TLL1: variants seen among roughly 807,000 people sequenced by gnomAD.
TLL1 encodes the protein tolloid like 1.
TLL1 carries 49 observed loss-of-function variants against 128.2 expected under a neutral mutation model. The ratio of observed to expected loss-of-function variants is 0.38; its 90% confidence interval spans 0.30 to 0.48. The LOEUF (loss-of-function observed/expected upper bound fraction) is 0.48, where lower values mean the gene tolerates loss of function less well. Ranked by LOEUF, TLL1 falls within the 20% of genes least tolerant of loss-of-function variation. TLL1 has a pLI of 0.96. For missense variants in TLL1, 1,123 were observed against 1,242.0 expected (o/e 0.90, Z 1.44); for synonymous variants, 454 against 418.8 (o/e 1.08, Z -1.03).
intron 19 of TLL1, among the ~76,000 whole-genome samples, chr4:166,098,163 G>A (rs752831665): frequency 1.3e-4 from 19 of 151,808 alleles, no homozygotes; most frequent in Non-Finnish European, 2.5e-4. Context: ...ATGAAACCCT[G>A]TCTCTACTAA....
At chr4:166,100,673 G>C in intron 20 of TLL1, 69 bp from the exon 21 acceptor site, 1 of 1,593,860 alleles carries the variant, frequency 6.3e-7, no homozygotes, top group Non-Finnish European at 8.6e-7. Flanking sequence ...CCAAACATGC[G>C]TTACACTGAA....
intron 14 of TLL1, among the ~76,000 whole-genome samples, chr4:166,059,413 C>A (rs1333615009): frequency 6.6e-6 from 1 of 151,976 alleles, no homozygotes; most frequent in African/African-American, 2.4e-5. Flanking sequence ...AAAAATAGAT[C>A]ATCACAGATC....
chr4:165,920,859 A>C (rs1448693040), intron 1 of TLL1, among the ~76,000 whole-genome samples: 1 of 152,196 alleles, frequency 6.6e-6, no homozygotes, highest in Non-Finnish European at 1.5e-5. Context: ...AAGGTCTACA[A>C]TAAGTAAAGG....
intron 1 of TLL1, among the ~76,000 whole-genome samples, chr4:165,940,926 G>A (rs1561042757): frequency 6.6e-6 from 1 of 151,916 alleles, no homozygotes; most frequent in Non-Finnish European, 1.5e-5. Flanking sequence ...CCATTTAGCT[G>A]AAAATGCCAT....
intron 1 of TLL1, among the ~76,000 whole-genome samples, chr4:165,902,199 C>T (rs995778015): frequency 6.6e-5 from 10 of 152,100 alleles, no homozygotes; most frequent in African/African-American, 9.7e-5. Flanking sequence ...GTGTGATCTG[C>T]TGAGCTAGAC....
rs573777949 is a variant in TLL1, at chr4:166,101,264, G to A, written c.*388G>A. On this transcript the variant is annotated 3_prime_UTR_variant, in exon 21 of 21. Coordinates refer to ENST00000061240, the MANE Select transcript of TLL1 (RefSeq NM_012464.5). ...GGGACATAAAATGATCTTGCAGGTC[G>A]TAAACTGGAAAACAGTATTTTGGTT... The A allele has an allele frequency of 2.9e-5, 8 of 278,950 alleles. No homozygotes were observed. Among genetic ancestry groups the A allele is most frequent in the African/African-American group, 9.0e-5 (4 of 44,372 alleles). The allele number at this position is 278,950 out of a possible 1,614,324, so 17.3% of individuals were successfully genotyped here.
chr4:165,904,676 C>T (rs1348858086), intron 1 of TLL1, among the ~76,000 whole-genome samples: 2 of 152,122 alleles, frequency 1.3e-5, no homozygotes, highest in African/African-American at 2.4e-5. Context: ...TGTGTAATAA[C>T]AAATATTTTC....
At chr4:165,877,010 G>T (rs1351021403) in intron 1 of TLL1, among the ~76,000 whole-genome samples, 1 of 152,146 alleles carries the variant, frequency 6.6e-6, no homozygotes, top group Non-Finnish European at 1.5e-5. Context: ...ATACCTTCTC[G>T]ATATCTATAG....
At chr4:166,008,428 T>G (rs1023854276) in intron 7 of TLL1, among the ~76,000 whole-genome samples, 3 of 151,512 alleles carry the variant, frequency 2.0e-5, no homozygotes, top group African/African-American at 7.3e-5. Context: ...GCTAAATAGG[T>G]TATTTAGCAG....
In TLL1 at chr4:165,992,936, TATACTC is replaced by T. The variant is rs754078827; in HGVS notation, c.361+56_361+61del. On this transcript the variant is annotated intron_variant, in intron 3 of 20. Transcript: ENST00000061240. ...GCTTGACTTGATGTACAGTAAATAT[TATACTC>T]ATAGCAGTTCAGTTTATTAAAATCA... 5.8e-4 allele frequency: 794 copies of T among 1,378,414 alleles called. 2 individuals carry two copies. Among genetic ancestry groups the T allele is most frequent in the Non-Finnish European group, 7.5e-4 (723 of 967,226 alleles). 85.4% of individuals were successfully genotyped at this position (1,378,414 alleles called of 1,614,324 possible). A position where few individuals can be genotyped will look rare whatever the true frequency, so the allele number is the denominator to read the frequency against.
chr4:166,036,430 A>G (rs570128502), intron 9 of TLL1, among the ~76,000 whole-genome samples: 24 of 152,324 alleles, frequency 1.6e-4, no homozygotes, highest in African/African-American at 5.8e-4. Context: ...CAAAAATAAA[A>G]TATTTATATA....
At chr4:166,076,708 C>T (rs1367501017) in intron 17 of TLL1, among the ~76,000 whole-genome samples, 1 of 152,110 alleles carries the variant, frequency 6.6e-6, no homozygotes, top group Non-Finnish European at 1.5e-5. Context: ...GAGACAGGGA[C>T]AATGGAATTT....
At chr4:165,898,480 G>T (rs553540956) in intron 1 of TLL1, among the ~76,000 whole-genome samples, 1 of 152,272 alleles carries the variant, frequency 6.6e-6, no homozygotes, top group African/African-American at 2.4e-5. Context: ...TGCATCTATT[G>T]AGATAATCAT....
At chr4:165,893,359 A>C (rs1462198635) in intron 1 of TLL1, among the ~76,000 whole-genome samples, 1 of 152,190 alleles carries the variant, frequency 6.6e-6, no homozygotes, top group Non-Finnish European at 1.5e-5. Context: ...ATGGAAAAGA[A>C]ATAAAGTGAG....
chr4:165,876,099 ATG>A (rs1008264237), intron 1 of TLL1, among the ~76,000 whole-genome samples: 3 of 152,296 alleles, frequency 2.0e-5, no homozygotes, highest in South Asian at 2.1e-4. Flanking sequence ...ACACGCATGC[ATG>A]TGTGTGTGTA....
chr4:166,025,260 T>A (rs1738437647), intron 8 of TLL1, 56 bp from the exon 9 acceptor site: 1 of 1,270,002 alleles, frequency 7.9e-7, no homozygotes, highest in Admixed American at 1.7e-5. Flanking sequence ...TTGTTTATGA[T>A]ATTCACGTAT....
chr4:165,878,831 A>C (rs149070535), intron 1 of TLL1, among the ~76,000 whole-genome samples: 57 of 152,032 alleles, frequency 3.7e-4, no homozygotes, highest in African/African-American at 1.2e-3. Flanking sequence ...ACCAAGGTGA[A>C]ACAGTTCGTA....
intron 18 of TLL1, among the ~76,000 whole-genome samples, chr4:166,081,445 C>T (rs1444740193): frequency 6.6e-6 from 1 of 152,134 alleles, no homozygotes; most frequent in Admixed American, 6.6e-5. Context: ...CTGCTTTTTC[C>T]ACAAATGTTC....
intron 12 of TLL1, among the ~76,000 whole-genome samples, chr4:166,052,965 G>GTGTGTGTGTATATATATATATATA: frequency 2.0e-5 from 2 of 99,646 alleles, no homozygotes; most frequent in African/African-American, 7.6e-5. Flanking sequence ...GAGGTTATGT[G>GTGTGTGTGTATATATATATATATA]TATATATATA....
Sources: gnomAD v4.1 joint callset for allele counts (sites outside exome capture counted in the v4.1 genomes callset) on GRCh38, gnomAD v4.1.1 for gene constraint, MANE v1.5 for transcripts, NCBI Gene and HGNC (gene_info 2026-07-23, HGNC 2026-07-21) for gene names.